NCAM1: variants seen among roughly 807,000 people sequenced by gnomAD.
NCAM1 encodes neural cell adhesion molecule 1.
A neutral mutation model predicts 109.8 loss-of-function variants in NCAM1; 14 were observed. That is an observed-to-expected ratio of 0.13 (90% CI 0.08 to 0.20). The LOEUF is 0.20. NCAM1 is among the 10% of genes least tolerant of loss of function. The probability of loss-of-function intolerance (pLI) is 1.00; values close to 1 mark genes in which losing one functional copy is unlikely to be tolerated. For synonymous variants in NCAM1, 418 were observed against 442.9 expected (o/e 0.94, Z 0.70); for missense variants, 774 against 1,109.9 (o/e 0.70, Z 4.30).
intron 5 of NCAM1, 141 bp downstream of exon 5, chr11:113,206,321 C>A: frequency 3.7e-6 from 3 of 804,554 alleles, no homozygotes; most frequent in Non-Finnish European, 5.5e-6. Flanking sequence ...CCCCTCCCCA[C>A]CGTAACATCT....
At chr11:113,122,628 C>A (rs184677882) in intron 1 of NCAM1, among the ~76,000 whole-genome samples, 295 of 152,072 alleles carry the variant, frequency 1.9e-3, no homozygotes, top group African/African-American at 6.5e-3. Flanking sequence ...TACTAAAATA[C>A]AAAAAATTAG....
At position 113,071,836 on chromosome 11, in the gene NCAM1, G is replaced by A. The variant is rs1452569731; in HGVS notation, c.52+110172G>A. Among the ~76,000 whole-genome samples, 7 of 152,096 alleles carry A rather than the reference G, an allele frequency of 4.6e-5. No homozygotes were observed. In the East Asian group the frequency reaches 9.7e-4, roughly 21 times the overall value. On this transcript the variant is annotated intron_variant, in intron 1 of 19. Coordinates refer to ENST00000316851, the MANE Select transcript of NCAM1 (RefSeq NM_181351.5). Reference sequence around the variant, plus strand: ...GACTGTTTTCATTGGTAACTCTTGGGAACTTAAAAAGAACCTGAAGTTTGC... The same window carrying A: ...GACTGTTTTCATTGGTAACTCTTGGAAACTTAAAAAGAACCTGAAGTTTGC...
chr11:113,205,393 C>A (rs1486197340), intron 3 of NCAM1, 130 bp from the exon 4 acceptor site: 14 of 1,186,824 alleles, frequency 1.2e-5, no homozygotes, highest in Non-Finnish European at 1.4e-5. Flanking sequence ...CTGAGGGTGC[C>A]CCTCTTATAC....
At position 113,029,521 on chromosome 11, in the gene NCAM1, T is replaced by G. The variant is rs1247067968; in HGVS notation, c.52+67857T>G. Reference sequence around the variant, plus strand: ...ATATGAAGGTGATTTTAGAACGCAGTGGGGTTAAAGGAGAACCAATAGCAA... The same window carrying G: ...ATATGAAGGTGATTTTAGAACGCAGGGGGGTTAAAGGAGAACCAATAGCAA... On this transcript the variant is annotated intron_variant, in intron 1 of 19. Transcript: ENST00000316851. Among the ~76,000 whole-genome samples, 6 of 152,264 alleles carry G rather than the reference T, an allele frequency of 3.9e-5. No homozygotes were observed. The East Asian group carries it at 1.2e-3, about 29-fold the overall frequency.
intron 1 of NCAM1, among the ~76,000 whole-genome samples, chr11:113,160,149 C>T (rs1260523480): frequency 6.6e-6 from 1 of 152,126 alleles, no homozygotes; most frequent in Non-Finnish European, 1.5e-5. Flanking sequence ...GATGTTATTC[C>T]TATCAGCGCC....
intron 1 of NCAM1, among the ~76,000 whole-genome samples, chr11:112,993,660 C>T (rs1555070920): frequency 6.6e-6 from 1 of 152,124 alleles, no homozygotes; most frequent in East Asian, 1.9e-4. Context: ...ATAACATCTA[C>T]ATTTTGTTCT....
chr11:113,145,777 C>G (rs890785229), intron 1 of NCAM1, among the ~76,000 whole-genome samples: 3 of 151,882 alleles, frequency 2.0e-5, no homozygotes, highest in Admixed American at 6.6e-5. Flanking sequence ...TCCTCCACCC[C>G]CTGAGAAACA....
At chr11:113,220,586 C>A (rs1036934734) in intron 8 of NCAM1, among the ~76,000 whole-genome samples, 3 of 127,662 alleles carry the variant, frequency 2.3e-5, no homozygotes, top group Non-Finnish European at 4.9e-5. Flanking sequence ...GAGACCTATT[C>A]TCTCTCTCTC....
Position 113,123,721 on chromosome 11 carries a change from G to A in NCAM1, c.53-78658G>A, listed in dbSNP as rs186021070. On this transcript the variant is annotated intron_variant, in intron 1 of 19. Coordinates refer to ENST00000316851, the MANE Select transcript of NCAM1 (RefSeq NM_181351.5). ...CCTGTCCTGTGTTTCCTGGCTGTAG[G>A]AGATACAATGTCAACCCGGCTTTAT... Among the ~76,000 whole-genome samples the A allele has an allele frequency of 4.6e-5, 7 of 152,324 alleles. No homozygotes were observed. In the East Asian group the frequency reaches 1.4e-3, roughly 29 times the overall value.
intron 7 of NCAM1, among the ~76,000 whole-genome samples, chr11:113,213,783 T>C (rs550334112): frequency 6.6e-6 from 1 of 152,314 alleles, no homozygotes; most frequent in Admixed American, 6.5e-5. Context: ...CTTCAAAGTG[T>C]TCTCTAGTCC....
intron 1 of NCAM1, among the ~76,000 whole-genome samples, chr11:113,090,000 T>C (rs1865732): frequency 0.44 from 67,174 of 152,062 alleles, 16,080 homozygotes; most frequent in Middle Eastern, 0.56. Context: ...GTGAAATACA[T>C]AGATTGACGA....
chr11:112,992,796 C>A (rs112937170), intron 1 of NCAM1, among the ~76,000 whole-genome samples: 1 of 152,070 alleles, frequency 6.6e-6, no homozygotes, highest in African/African-American at 2.4e-5. Flanking sequence ...CGTGAGCCAC[C>A]GCACCCGGCC....
In NCAM1 at chr11:113,052,990, C is replaced by G. The variant is rs183782841; in HGVS notation, c.52+91326C>G. ...AGCTTCAGTTGCATTTCCTAGGGCT[C>G]CCCTGCCACAAAGAGTGTAGGTCTT... On this transcript the variant is annotated intron_variant, in intron 1 of 19. Coordinates refer to ENST00000316851, the MANE Select transcript of NCAM1 (RefSeq NM_181351.5). 1.2e-4 allele frequency among the ~76,000 whole-genome samples: 19 copies of G among 152,238 alleles called. No individual in the cohort carries two copies. In the South Asian group the frequency reaches 1.9e-3, roughly 15 times the overall value.
intron 1 of NCAM1, among the ~76,000 whole-genome samples, chr11:113,191,001 G>A (rs561926842): frequency 5.3e-5 from 8 of 152,294 alleles, no homozygotes; most frequent in African/African-American, 1.4e-4. Flanking sequence ...CACAATTTAT[G>A]GATCATCAAA....
intron 1 of NCAM1, among the ~76,000 whole-genome samples, chr11:113,194,818 G>A (rs977330634): frequency 6.6e-6 from 1 of 152,192 alleles, no homozygotes; most frequent in Non-Finnish European, 1.5e-5. Flanking sequence ...CCAGGGGCCT[G>A]TGGCGACTTT....
chr11:113,217,205 A>G (rs1555114503), intron 8 of NCAM1, among the ~76,000 whole-genome samples: 1 of 152,204 alleles, frequency 6.6e-6, no homozygotes, highest in African/African-American at 2.4e-5. Flanking sequence ...CATCCTTGCC[A>G]GGAAGCCAGT....
intron 1 of NCAM1, among the ~76,000 whole-genome samples, chr11:113,045,015 A>C (rs1367213179): frequency 6.6e-6 from 1 of 152,110 alleles, no homozygotes; most frequent in Non-Finnish European, 1.5e-5. Flanking sequence ...CGGCCTCCCA[A>C]AGTGCTGGGA....
At chr11:112,961,891 C>G (rs1950574209) in intron 1 of NCAM1, among the ~76,000 whole-genome samples, 1 of 152,108 alleles carries the variant, frequency 6.6e-6, no homozygotes, top group East Asian at 1.9e-4. Flanking sequence ...CGCCCGGCGC[C>G]CCTCCGGCGC....
rs368747331 is a variant in NCAM1 at position 113,079,167 on chromosome 11, T to A, written c.52+117503T>A. 2.2e-4 allele frequency among the ~76,000 whole-genome samples: 34 copies of A among 152,316 alleles called. No homozygotes were observed. The East Asian group carries it at 5.2e-3, about 23-fold the overall frequency. On this transcript the variant is annotated intron_variant, in intron 1 of 19. Transcript: ENST00000316851. ...GATTTTGTGTTTCCTATTCTTGAAG[T>A]TCCACGAAATATAAAGATACACCTA...
Sources: allele counts gnomAD v4.1 joint callset (sites outside exome capture counted in the v4.1 genomes callset), GRCh38; gene constraint gnomAD v4.1.1; transcripts MANE v1.5; gene names NCBI Gene and HGNC (gene_info 2026-07-23, HGNC 2026-07-21).